ADGRB3: variants seen among roughly 807,000 people sequenced by gnomAD.
The protein encoded by ADGRB3 is brain-specific angiogenesis inhibitor 3.
In ADGRB3, 37 loss-of-function variants were observed where a neutral mutation model predicts 193.4. That is an observed-to-expected ratio of 0.19 (90% confidence interval 0.15 to 0.25). The LOEUF is 0.25. Among genes scored for constraint, ADGRB3 ranks in the 10% least tolerant of loss-of-function variants. The pLI, the probability that ADGRB3 is intolerant of heterozygous loss-of-function variation, is 1.00. For synonymous variants in ADGRB3, 690 were observed against 644.2 expected (o/e 1.07, Z -1.08); for missense variants, 1,637 against 1,852.9 (o/e 0.88, Z 2.14).
intron 3 of ADGRB3, among the ~76,000 whole-genome samples, chr6:68,912,575 G>A (rs1035074989): frequency 5.9e-5 from 9 of 151,886 alleles, no homozygotes; most frequent in African/African-American, 2.2e-4. Context: ...GTGTCCATGT[G>A]TTCCCATTGT....
At chr6:69,239,081 C>A (rs1766332454) in intron 19 of ADGRB3, 43 bp from the exon 20 acceptor site, 3 of 1,179,326 alleles carry the variant, frequency 2.5e-6, no homozygotes, top group Non-Finnish European at 3.7e-6. Flanking sequence ...CTTCATCTTT[C>A]TGTTGGATTT....
At chr6:69,190,946 C>T (rs1765172896) in intron 17 of ADGRB3, among the ~76,000 whole-genome samples, 1 of 126,312 alleles carries the variant, frequency 7.9e-6, no homozygotes, top group Non-Finnish European at 1.7e-5. Context: ...GCTATGTACC[C>T]CAGGTTTGTA....
chr6:68,958,027 C>T (rs1343772236), intron 8 of ADGRB3, among the ~76,000 whole-genome samples: 1 of 151,966 alleles, frequency 6.6e-6, no homozygotes, highest in African/African-American at 2.4e-5. Context: ...GTGGCGAAAC[C>T]CCGTCTCTAC....
chr6:68,677,529 T>TC (rs1464904382), intron 3 of ADGRB3, among the ~76,000 whole-genome samples: 1 of 146,982 alleles, frequency 6.8e-6, no homozygotes, highest in Admixed American at 6.8e-5. Context: ...TTCTTTTTTT[T>TC]TTTTTTTTTG....
intron 17 of ADGRB3, among the ~76,000 whole-genome samples, chr6:69,210,338 C>G (rs1455498712): frequency 6.6e-6 from 1 of 151,374 alleles, no homozygotes; most frequent in Non-Finnish European, 1.5e-5. Flanking sequence ...GGCCTGGAGG[C>G]TAGGCCAGTC....
chr6:69,227,754 A>G (rs868370803), intron 17 of ADGRB3, among the ~76,000 whole-genome samples: 3 of 152,290 alleles, frequency 2.0e-5, no homozygotes, highest in Non-Finnish European at 4.4e-5. Context: ...GTTGAATTGA[A>G]CATAATCACC....
At chr6:69,205,190 T>C (rs1765510211) in intron 17 of ADGRB3, among the ~76,000 whole-genome samples, 1 of 152,196 alleles carries the variant, frequency 6.6e-6, no homozygotes, top group South Asian at 2.1e-4. Context: ...AAAAAGCTAA[T>C]GTCCATTCAA....
intron 3 of ADGRB3, among the ~76,000 whole-genome samples, chr6:68,688,271 G>T (rs528138887): frequency 7.9e-5 from 12 of 152,194 alleles, no homozygotes; most frequent in South Asian, 4.1e-4. Context: ...CAGGTGACTT[G>T]GTTCTGAGTC....
chr6:68,665,721 T>C (rs778477257), intron 3 of ADGRB3, among the ~76,000 whole-genome samples: 2 of 151,850 alleles, frequency 1.3e-5, no homozygotes, highest in Admixed American at 6.6e-5. Flanking sequence ...TTCTTCAAAT[T>C]AATAACTATA....
At chr6:69,348,403 T>G (rs979885518) in intron 26 of ADGRB3, among the ~76,000 whole-genome samples, 7 of 151,160 alleles carry the variant, frequency 4.6e-5, no homozygotes, top group African/African-American at 1.5e-4. Flanking sequence ...TCCCAGCACT[T>G]TGGGAGGCTG....
chr6:69,088,459 A>C (rs1313667501), intron 17 of ADGRB3, among the ~76,000 whole-genome samples: 3 of 151,838 alleles, frequency 2.0e-5, no homozygotes, highest in Admixed American at 6.6e-5. Flanking sequence ...TACAACTTCT[A>C]CCTCCCGGGT....
chr6:68,968,330 T>A (rs1768451659), intron 8 of ADGRB3, among the ~76,000 whole-genome samples: 1 of 152,066 alleles, frequency 6.6e-6, no homozygotes. Context: ...ACGAAGTACC[T>A]TTTGCCAGAA....
rs1466913395 is a variant in ADGRB3 at position 69,265,953 on chromosome 6, G to GA, written c.2814+26735dup. On this transcript the variant is annotated intron_variant, in intron 20 of 31. Transcript: ENST00000370598. ...CTCATTCTTTACATGCTTACTAACT[G>GA]AAAAAAAATTACAGAAAAGATTCAA... Among the ~76,000 whole-genome samples, 3 of 151,612 alleles carry GA rather than the reference G, an allele frequency of 2.0e-5. No homozygotes were observed. In the South Asian group the frequency reaches 6.2e-4, roughly 32 times the overall value.
chr6:69,060,830 C>T (rs1771727017), intron 15 of ADGRB3, among the ~76,000 whole-genome samples: 2 of 152,032 alleles, frequency 1.3e-5, no homozygotes, highest in Admixed American at 1.3e-4. Context: ...TGGATATTTC[C>T]CCTAACTCTA....
intron 3 of ADGRB3, among the ~76,000 whole-genome samples, chr6:68,834,719 ACGGG>A (rs1768014383): frequency 3.1e-5 from 2 of 64,648 alleles, no homozygotes; most frequent in Non-Finnish European, 6.6e-5. Flanking sequence ...CAGTGCTGAG[ACGGG>A]CTGGAAGAAT....
intron 13 of ADGRB3, among the ~76,000 whole-genome samples, chr6:69,039,464 G>T (rs1031846908): frequency 1.3e-5 from 2 of 152,068 alleles, no homozygotes; most frequent in African/African-American, 4.8e-5. Flanking sequence ...AGCTTTTTCT[G>T]TAAAGGGATA....
chr6:69,163,030 C>T (rs1410133240), intron 17 of ADGRB3, among the ~76,000 whole-genome samples: 1 of 152,052 alleles, frequency 6.6e-6, no homozygotes. Flanking sequence ...GATTCTGTTC[C>T]CTTGGCCTGC....
intron 17 of ADGRB3, among the ~76,000 whole-genome samples, chr6:69,182,070 CA>C (rs1320878520): frequency 6.6e-6 from 1 of 151,832 alleles, no homozygotes. Flanking sequence ...GAAATATGGC[CA>C]AAAAAATCAT....
At chr6:68,978,643 T>C (rs902225615) in intron 10 of ADGRB3, among the ~76,000 whole-genome samples, 2 of 151,542 alleles carry the variant, frequency 1.3e-5, no homozygotes, top group African/African-American at 2.4e-5. Flanking sequence ...CTCATTCTGT[T>C]GCTTTGCTAA....
Sources: gnomAD v4.1 joint callset for allele counts (sites outside exome capture counted in the v4.1 genomes callset) on GRCh38, gnomAD v4.1.1 for gene constraint, MANE v1.5 for transcripts, NCBI Gene and HGNC (gene_info 2026-07-23, HGNC 2026-07-21) for gene names.